CREBBP: variants seen among roughly 807,000 people sequenced by gnomAD.
CREBBP encodes CREB-binding protein.
CREBBP carries 19 observed loss-of-function variants against 265.0 expected under a neutral mutation model. That is an observed-to-expected ratio of 0.07 (90% CI 0.05 to 0.11). The LOEUF (loss-of-function observed/expected upper bound fraction) is 0.11. Among genes scored for constraint, CREBBP ranks in the 10% least tolerant of loss-of-function variants. The probability of loss-of-function intolerance (pLI) is 1.00; values close to 1 mark genes in which losing one functional copy is unlikely to be tolerated. For missense variants in CREBBP, 2,525 were observed against 3,219.0 expected (o/e 0.78, Z 5.22); for synonymous variants, 1,457 against 1,223.7 (o/e 1.19, Z -3.98).
chr16:3,868,722 C>CCA (rs2055230384), intron 1 of CREBBP, among the ~76,000 whole-genome samples: 1 of 152,092 alleles, frequency 6.6e-6, no homozygotes, highest in South Asian at 2.1e-4. Context: ...AGTCAGACAT[C>CCA]GAGCTGAGTG....
intron 3 of CREBBP, among the ~76,000 whole-genome samples, chr16:3,799,258 C>G (rs1386576452): frequency 6.6e-6 from 1 of 152,136 alleles, no homozygotes; most frequent in Non-Finnish European, 1.5e-5. Flanking sequence ...GATGGTTACA[C>G]AATATACTAA....
chr16:3,835,540 A>G (rs1273713985), intron 2 of CREBBP, among the ~76,000 whole-genome samples: 1 of 152,018 alleles, frequency 6.6e-6, no homozygotes, highest in African/African-American at 2.4e-5. Flanking sequence ...ATGCCCACAA[A>G]AAAAGCTGTA....
Position 3,728,195 on chromosome 16 carries a change from G to A in CREBBP, c.6852C>T (p.Thr2284=). Residue 2284 remains threonine (T), a synonymous_variant, in exon 31 of 31, where the codon ACC becomes ACT. Coordinates refer to ENST00000262367, the MANE Select transcript of CREBBP (RefSeq NM_004380.3). The surrounding 1 kb of genome is among the most constrained non-coding windows in gnomAD (Gnocchi z 8.7). ...MGQPGLGADS[T]PNIQQALQQR... ...GCTGCAGGGCTTGCTGGATGTTGGG[G>A]GTGCTGTCTGCCCCCAGCCCCGGCT... 2 of 1,613,910 alleles carry A rather than the reference G, an allele frequency of 1.2e-6. No homozygotes were observed. The highest frequency in any genetic ancestry group is 1.7e-6 in the Non-Finnish European group (2 of 1,180,000).
Position 3,745,293 on chromosome 16 carries a change from T to C in CREBBP, c.3898A>G (p.Ile1300Val). The change falls in exon 22 of 31, where the codon ATC becomes GTC. Residue 1300 changes from isoleucine to valine, a missense_variant. Ile to Val is a conservative substitution (Grantham distance 29, BLOSUM62 3). Around this residue, in one of 19 missense-constraint regions of CREBBP, gnomAD observed 252 missense variants for 452.5 expected, o/e 0.56. Coordinates refer to ENST00000262367, the MANE Select transcript of CREBBP (RefSeq NM_004380.3). ...MHQICVLHYD[I>V]IWPSGFVCDN... is the part of the protein sequence containing the mutation. ...ACAACTCACCCTGAAGGCCAAATGA[T>C]GTCATAGTGCAGAACGCAAATCTGA... 2 of 1,613,976 alleles carry C rather than the reference T, an allele frequency of 1.2e-6. No homozygotes were observed. Among genetic ancestry groups the C allele is most frequent in the East Asian group, 4.5e-5 (2 of 44,886 alleles).
At chr16:3,795,882 T>C (rs2053598300) in intron 3 of CREBBP, among the ~76,000 whole-genome samples, 1 of 152,218 alleles carries the variant, frequency 6.6e-6, no homozygotes. Flanking sequence ...TCCTTACACC[T>C]AAGAAAAAGA....
At chr16:3,796,089 AC>A (rs1271431077) in intron 3 of CREBBP, among the ~76,000 whole-genome samples, 1 of 152,136 alleles carries the variant, frequency 6.6e-6, no homozygotes, top group Non-Finnish European at 1.5e-5. Flanking sequence ...TGAAGAGACC[AC>A]ACAGTTGTCC....
rs148460044 is a variant in CREBBP, at chr16:3,750,752, T to G, written c.3779+974A>C. On this transcript the variant is annotated intron_variant, in intron 20 of 30. Transcript: ENST00000262367. ...CACTAGTGAAGGAAGGAAACACATT[T>G]AGACTTTAGGCCAAAAAATGGGGTT... 3.5e-4 allele frequency among the ~76,000 whole-genome samples: 53 copies of G among 152,294 alleles called. 1 individual carries two copies. The highest frequency in any genetic ancestry group is 6.8e-3 in the Middle Eastern group (2 of 294).
At chr16:3,812,302 C>A (rs1283164203) in intron 2 of CREBBP, among the ~76,000 whole-genome samples, 1 of 151,976 alleles carries the variant, frequency 6.6e-6, no homozygotes, top group Non-Finnish European at 1.5e-5. Context: ...CCTCAGCCTC[C>A]TGAGTAGCTG....
rs970926852 is a variant in CREBBP, at chr16:3,804,894, G to C, written c.975+5709C>G. Among the ~76,000 whole-genome samples, 3 of 152,234 alleles carry C rather than the reference G, an allele frequency of 2.0e-5. No individual in the cohort carries two copies. The East Asian group carries it at 5.8e-4, about 29-fold the overall frequency. ...ATTATACTAATCAGACTCTAGAAAA[G>C]ATACTGCTGGTTAATGGGAAACCCA... On this transcript the variant is annotated intron_variant, in intron 3 of 30. Transcript: ENST00000262367.
At chr16:3,839,573 TCAG>T (rs1404285279) in intron 2 of CREBBP, among the ~76,000 whole-genome samples, 1 of 151,446 alleles carries the variant, frequency 6.6e-6, no homozygotes, top group Non-Finnish European at 1.5e-5. Context: ...TCCCAGCTAC[TCAG>T]GAGGCTGAGG....
chr16:3,733,287 G>A (rs568025492), intron 28 of CREBBP, among the ~76,000 whole-genome samples: 6 of 151,368 alleles, frequency 4.0e-5, no homozygotes, highest in South Asian at 4.2e-4. Context: ...GTGTGAACCC[G>A]GGAGGCGGAG....
intron 13 of CREBBP, among the ~76,000 whole-genome samples, chr16:3,772,915 C>CAAAAAAAAAAA (rs144154476): frequency 8.0e-4 from 71 of 88,498 alleles, no homozygotes; most frequent in Non-Finnish European, 1.2e-3. Flanking sequence ...ACTAAAAATA[C>CAAAAAAAAAAA]AAAAAAAAAA....
At chr16:3,841,254 G>C (rs1269963290) in intron 2 of CREBBP, among the ~76,000 whole-genome samples, 4 of 151,896 alleles carry the variant, frequency 2.6e-5, no homozygotes, top group Admixed American at 2.0e-4. Context: ...TCGAAGCCAA[G>C]AGGACATAAG....
intron 21 of CREBBP, among the ~76,000 whole-genome samples, chr16:3,747,721 G>T (rs945159145): frequency 1.3e-5 from 2 of 152,208 alleles, no homozygotes; most frequent in African/African-American, 2.4e-5. Context: ...CCAGCACTTT[G>T]GGAGGCCGAG....
At chr16:3,869,834 C>T (rs2055257383) in intron 1 of CREBBP, among the ~76,000 whole-genome samples, 1 of 152,078 alleles carries the variant, frequency 6.6e-6, no homozygotes. Flanking sequence ...ATCCGTTCTC[C>T]CCTAAAGTTT....
chr16:3,785,507 A>C (rs546721971), intron 5 of CREBBP, among the ~76,000 whole-genome samples: 1 of 152,338 alleles, frequency 6.6e-6, no homozygotes, highest in Admixed American at 6.5e-5. Context: ...ATTAATGTCA[A>C]ATTCGGTTTT....
At chr16:3,859,340 A>C (rs1343647668) in intron 1 of CREBBP, among the ~76,000 whole-genome samples, 1 of 151,936 alleles carries the variant, frequency 6.6e-6, no homozygotes, top group Non-Finnish European at 1.5e-5. Flanking sequence ...TTACAGGCGC[A>C]TACCACCACA....
Position 3,731,751 on chromosome 16 carries a change from C to A in CREBBP, c.4890+25G>T, listed in dbSNP as rs1411111389. On this transcript the variant is annotated intron_variant, in intron 29 of 30. Transcript: ENST00000262367. The surrounding 1 kb of genome is among the most constrained non-coding windows in gnomAD (Gnocchi z 7.7). ...TCCCTCCTCCCGGCCAGAGGCACGG[C>A]TGCAGCACCGCAGCCCACGCCTACC... The A allele has an allele frequency of 6.2e-7, 1 of 1,614,110 alleles. No individual in the cohort carries two copies. Among genetic ancestry groups the A allele is most frequent in the Non-Finnish European group, 8.5e-7 (1 of 1,179,998 alleles).
In CREBBP at chr16:3,880,392, C is replaced by T; in HGVS notation, c.-476G>A. On this transcript the variant is annotated 5_prime_UTR_variant, in exon 1 of 31. Transcript: ENST00000262367. Reference sequence around the variant, plus strand: ...GACGAGGGGGCTCCGGGCTCCGCTCCCGGCCCGCGGCCCGCCGCCGCCGCC... The same window carrying T: ...GACGAGGGGGCTCCGGGCTCCGCTCTCGGCCCGCGGCCCGCCGCCGCCGCC... 7.0e-6 allele frequency: 1 copy of T among 143,052 alleles called. No individual in the cohort carries two copies. Among genetic ancestry groups the T allele is most frequent in the Non-Finnish European group, 1.6e-5 (1 of 64,376 alleles). The allele number at this position is 143,052 out of a possible 1,614,324, so 8.9% of individuals were successfully genotyped here.
Sources: allele counts gnomAD v4.1 joint callset (sites outside exome capture counted in the v4.1 genomes callset), GRCh38; gene constraint gnomAD v4.1.1; regional missense constraint gnomAD v4.1.1; non-coding constraint Gnocchi (gnomAD v3.1); transcripts MANE v1.5; gene names NCBI Gene and HGNC (gene_info 2026-07-23, HGNC 2026-07-21).